MIXL1: variants seen among roughly 807,000 people sequenced by gnomAD.
MIXL1 encodes Mix paired-like homeobox, also known as homeobox protein MIXL1.
MIXL1 carries 9 observed loss-of-function variants against 9.3 expected under a neutral mutation model. That is an observed-to-expected ratio of 0.97 (90% CI 0.58 to 1.69). The LOEUF is 1.69. MIXL1 is among the 40% of genes most tolerant of loss of function. MIXL1 has a pLI of 0.00. For synonymous variants in MIXL1, 164 were observed against 155.6 expected, an observed-to-expected ratio of 1.05 and a Z score of -0.40; for missense variants, 330 against 331.7, an observed-to-expected ratio of 0.99 and a Z score of 0.04.
Position 226,223,677 on chromosome 1 carries a change from G to T in MIXL1, c.-5G>T. 3 of 1,425,206 alleles carry T rather than the reference G, an allele frequency of 2.1e-6. No homozygotes were observed. The highest frequency in any genetic ancestry group is 2.7e-6 in the Non-Finnish European group (3 of 1,095,240). The allele number at this position is 1,425,206 out of a possible 1,614,324, so 88.3% of individuals were successfully genotyped here. A position where few individuals can be genotyped will look rare whatever the true frequency, so the allele number is the denominator to read the frequency against. On this transcript the variant is annotated 5_prime_UTR_variant, in exon 1 of 2. Coordinates refer to ENST00000366810, the MANE Select transcript of MIXL1 (RefSeq NM_031944.3). ...CCTCCGAGCGGCGCGCTGGGTTCCG[G>T]AGCGATGGCCACAGCCGAGTCCCGT... is the stretch of plus-strand genomic sequence containing the variant.
rs1045704921 is a variant in MIXL1 at position 226,226,013 on chromosome 1, A to G, written c.*201A>G. 6 of 570,678 alleles carry G rather than the reference A, an allele frequency of 1.1e-5. No individual in the cohort carries two copies. The highest frequency in any genetic ancestry group is 5.6e-5 in the African/African-American group (3 of 53,310). The allele number at this position is 570,678 out of a possible 1,614,324, so 35.4% of individuals were successfully genotyped here. ...CGTTTTAAGCCCACACTCCCACCCC[A>G]GAGTTCCCGCATTCGTTTTTACCTG... On this transcript the variant is annotated 3_prime_UTR_variant, in exon 2 of 2. Transcript: ENST00000366810.
chr1:226,225,481 A>G, intron 1 of MIXL1, 26 bp from the exon 2 acceptor site: 1 of 1,607,188 alleles, frequency 6.2e-7, no homozygotes, highest in Non-Finnish European at 8.5e-7. Context: ...AACCAAAAGC[A>G]GCTTTTATTT....
Position 226,225,659 on chromosome 1 carries a change from C to T in MIXL1, c.546C>T (p.Asn182=), listed in dbSNP as rs776867381. 2.5e-6 allele frequency: 4 copies of T among 1,614,222 alleles called. No homozygotes were observed. In the South Asian group the frequency reaches 4.4e-5, roughly 18 times the overall value. Residue 182 remains asparagine (N), a synonymous_variant, in exon 2 of 2, where the codon AAC becomes AAT. Transcript: ENST00000366810. Reference sequence around the variant, plus strand: ...AGCTGCCTCTTGAGGTAGATGTGAACTGCCTGCCCGAACCAAACGGGGTTG... The same window carrying T: ...AGCTGCCTCTTGAGGTAGATGTGAATTGCCTGCCCGAACCAAACGGGGTTG... The part of the protein sequence containing the change: ...KPQLPLEVDV[N]CLPEPNGVGG...
chr1:226,224,495 C>G (rs1411153420), intron 1 of MIXL1, among the ~76,000 whole-genome samples: 1 of 152,106 alleles, frequency 6.6e-6, no homozygotes, highest in Non-Finnish European at 1.5e-5. Flanking sequence ...GCTGGCTCGC[C>G]AAGTTACCCC....
chr1:226,226,072 GCA>G lies in MIXL1; in HGVS notation c.*261_*262del. 2.6e-6 allele frequency: 1 copy of G among 383,544 alleles called. No individual in the cohort carries two copies. Among genetic ancestry groups the G allele is most frequent in the Admixed American group, 4.2e-5 (1 of 23,736 alleles). The allele number at this position is 383,544 out of a possible 1,614,324, so 23.8% of individuals were successfully genotyped here. ...CCAAGCCTGCACATTCCATTGGTCT[GCA>G]TCCCTATGCCTTCTTGCCAGGCCTG... On this transcript the variant is annotated 3_prime_UTR_variant, in exon 2 of 2. Coordinates refer to ENST00000366810, the MANE Select transcript of MIXL1 (RefSeq NM_031944.3).
In MIXL1 at chr1:226,223,748, C is replaced by A; in HGVS notation, c.67C>A (p.Pro23Thr). Residue 23 changes from proline (P) to threonine (T), a missense_variant, in exon 1 of 2, where the codon CCC (proline) becomes ACC (threonine). Pro to Thr is a conservative substitution (Grantham distance 38). Transcript: ENST00000366810. ...CGCCGCGTTTCCAGCGTACCGGGCC[C>A]CCCACGCCGGCGGGGCGCTCCTGCC... Reference protein sequence around the residue: ...EGAAFPAYRAPHAGGALLPPP... With the variant: ...EGAAFPAYRATHAGGALLPPP... The A allele has an allele frequency of 7.0e-7, 1 of 1,436,124 alleles. No homozygotes were observed. Among genetic ancestry groups the A allele is most frequent in the Non-Finnish European group, 9.1e-7 (1 of 1,097,506 alleles). 89.0% of individuals were successfully genotyped at this position (1,436,124 alleles called of 1,614,324 possible). A position where few individuals can be genotyped will look rare whatever the true frequency, so the allele number is the denominator to read the frequency against.
chr1:226,225,922 T>A lies in MIXL1; in HGVS notation c.*110T>A, dbSNP rs1056520299. The A allele has an allele frequency of 3.2e-5, 29 of 908,066 alleles. No individual in the cohort carries two copies. In the South Asian group the frequency reaches 4.0e-4, roughly 13 times the overall value. The allele number at this position is 908,066 out of a possible 1,614,324, so 56.3% of individuals were successfully genotyped here. ...CTTCCATGCTAAGGACATGTCCTTG[T>A]TAACCTTGATGATGGTTTTGACAGC... On this transcript the variant is annotated 3_prime_UTR_variant, in exon 2 of 2. Transcript: ENST00000366810.
At position 226,223,908 on chromosome 1, in the gene MIXL1, C is replaced by G. The variant is rs753148300; in HGVS notation, c.227C>G (p.Pro76Arg). Residue 76 changes from proline (P) to arginine (R), a missense_variant, in exon 1 of 2, where the codon CCC becomes CGC. Pro to Arg is a moderately radical substitution (Grantham distance 103). Transcript: ENST00000366810. ...GCCAGCCTGGGCTCGCCTGCGCCCCCCAAAGGCGCGGCCGCCCCGTCGGCG... is the reference window on the plus strand; with the variant it reads ...GCCAGCCTGGGCTCGCCTGCGCCCCGCAAAGGCGCGGCCGCCCCGTCGGCG... ...PPASLGSPAP[P>R]KGAAAPSASQ... 52 of 1,330,720 alleles carry G rather than the reference C, an allele frequency of 3.9e-5. No homozygotes were observed. The highest frequency in any genetic ancestry group is 3.8e-4 in the Middle Eastern group (2 of 5,210). 82.4% of individuals were successfully genotyped at this position (1,330,720 alleles called of 1,614,324 possible).
chr1:226,226,076 C>T lies in MIXL1; in HGVS notation c.*264C>T. The T allele has an allele frequency of 5.4e-6, 2 of 368,070 alleles. No homozygotes were observed. The highest frequency in any genetic ancestry group is 7.5e-4 in the Middle Eastern group (1 of 1,334). The allele number at this position is 368,070 out of a possible 1,614,324, so 22.8% of individuals were successfully genotyped here. On this transcript the variant is annotated 3_prime_UTR_variant, in exon 2 of 2. Transcript: ENST00000366810. ...GCCTGCACATTCCATTGGTCTGCAT[C>T]CCTATGCCTTCTTGCCAGGCCTGTT...
chr1:226,225,351 A>T, intron 1 of MIXL1, 156 bp from the exon 2 acceptor site: 1 of 731,696 alleles, frequency 1.4e-6, no homozygotes, highest in Non-Finnish European at 2.2e-6. Flanking sequence ...AGGTGTTCTG[A>T]ACTTCTAATC....
chr1:226,224,461 G>A (rs1197606710), intron 1 of MIXL1, among the ~76,000 whole-genome samples: 6 of 152,184 alleles, frequency 3.9e-5, no homozygotes, highest in African/African-American at 9.7e-5. Flanking sequence ...TTGAGCGTGA[G>A]AATGGTAGCT....
Position 226,223,705 on chromosome 1 carries a change from G to T in MIXL1, c.24G>T (p.Ala8=). 1 of 1,470,016 alleles carries T rather than the reference G, an allele frequency of 6.8e-7. No homozygotes were observed. The highest frequency in any genetic ancestry group is 8.9e-7 in the Non-Finnish European group (1 of 1,118,366). 91.1% of individuals were successfully genotyped at this position (1,470,016 alleles called of 1,614,324 possible). Residue 8 remains alanine (A), a synonymous_variant, in exon 1 of 2, where the codon GCG becomes GCT. Coordinates refer to ENST00000366810, the MANE Select transcript of MIXL1 (RefSeq NM_031944.3). The part of the protein sequence containing the change: MATAESR[A]LQFAEGAAFP... The stretch of plus-strand genomic sequence containing the variant: ...CGATGGCCACAGCCGAGTCCCGTGC[G>T]CTCCAGTTTGCCGAGGGCGCCGCGT...
chr1:226,224,633 TTTTA>T (rs1296568137), intron 1 of MIXL1, among the ~76,000 whole-genome samples: 3 of 152,138 alleles, frequency 2.0e-5, no homozygotes, highest in Admixed American at 2.0e-4. Context: ...GTGTGTTTAT[TTTTA>T]TTTATTTAGT....
intron 1 of MIXL1, among the ~76,000 whole-genome samples, chr1:226,224,931 C>A (rs1347979482): frequency 6.6e-6 from 1 of 152,168 alleles, no homozygotes; most frequent in Non-Finnish European, 1.5e-5. Context: ...CGCGCCCGGC[C>A]GTGTTTATTA....
At chr1:226,224,095 C>T in intron 1 of MIXL1, 21 bp downstream of exon 1, 6 of 1,286,936 alleles carry the variant, frequency 4.7e-6, no homozygotes, top group Non-Finnish European at 5.9e-6. Flanking sequence ...GCTGCGTTCG[C>T]AAGTGCGCGC....
intron 1 of MIXL1, among the ~76,000 whole-genome samples, chr1:226,224,642 TTTAG>T (rs1657112798): frequency 6.6e-6 from 1 of 152,200 alleles, no homozygotes; most frequent in South Asian, 2.1e-4. Flanking sequence ...TTTTTATTTA[TTTAG>T]TTTTTATTTG....
intron 1 of MIXL1, among the ~76,000 whole-genome samples, chr1:226,224,747 C>T (rs1046468987): frequency 6.6e-6 from 1 of 152,192 alleles, no homozygotes; most frequent in Non-Finnish European, 1.5e-5. Context: ...TCAAGTGATT[C>T]TCCTGCCTCA....
At chr1:226,225,375 C>T (rs1335854705) in intron 1 of MIXL1, 132 bp from the exon 2 acceptor site, 24 of 989,540 alleles carry the variant, frequency 2.4e-5, no homozygotes, top group Middle Eastern at 2.2e-4. Flanking sequence ...AACCCAAGTG[C>T]TTTCTGAAGA....
In MIXL1 at chr1:226,223,908, C is replaced by T. The variant is rs753148300; in HGVS notation, c.227C>T (p.Pro76Leu). The change falls in exon 1 of 2, where the codon CCC becomes CTC. Residue 76 changes from proline (P) to leucine (L), a missense_variant. By Grantham distance (98) the Pro-to-Leu change is moderately conservative (BLOSUM62 -3). Transcript: ENST00000366810. ...GCCAGCCTGGGCTCGCCTGCGCCCC[C>T]CAAAGGCGCGGCCGCCCCGTCGGCG... Reference protein sequence around the residue: ...PPASLGSPAPPKGAAAPSASQ... With the variant: ...PPASLGSPAPLKGAAAPSASQ... The T allele has an allele frequency of 2.0e-5, 26 of 1,330,718 alleles. No individual in the cohort carries two copies. The highest frequency in any genetic ancestry group is 5.5e-5 in the Admixed American group (2 of 36,528). The allele number at this position is 1,330,718 out of a possible 1,614,324, so 82.4% of individuals were successfully genotyped here. A position where few individuals can be genotyped will look rare whatever the true frequency, so the allele number is the denominator to read the frequency against.
Sources: gnomAD v4.1 joint callset for allele counts (sites outside exome capture counted in the v4.1 genomes callset) on GRCh38, gnomAD v4.1.1 for gene constraint, MANE v1.5 for transcripts, NCBI Gene and HGNC (gene_info 2026-07-23, HGNC 2026-07-21) for gene names.